The following MYLK variants were observed in gnomAD, a reference collection of about 807,000 sequenced individuals.
The protein encoded by MYLK is myosin light chain kinase, smooth muscle.
In MYLK, 106 loss-of-function variants were observed where a neutral mutation model predicts 203.4. That is an observed-to-expected ratio of 0.52 (90% CI 0.45 to 0.61). MYLK has a LOEUF of 0.61. Among genes scored for constraint, MYLK ranks in the 20% least tolerant of loss-of-function variants. MYLK has a pLI of 0.00. For synonymous variants in MYLK, 867 were observed against 959.5 expected (o/e 0.90, Z 1.78); for missense variants, 2,072 against 2,442.3 (o/e 0.85, Z 3.20).
At chr3:123,842,043 G>A (rs897652596) in intron 2 of MYLK, among the ~76,000 whole-genome samples, 1 of 151,532 alleles carries the variant, frequency 6.6e-6, no homozygotes, top group African/African-American at 2.4e-5. Context: ...AAATATAAAT[G>A]GACCAAATTC....
rs749367561 is a variant in MYLK at position 123,640,468 on chromosome 3, G to A, written c.4656C>T (p.Asp1552=). 1.1e-5 allele frequency: 17 copies of A among 1,613,882 alleles called. No homozygotes were observed. Among genetic ancestry groups the A allele is most frequent in the East Asian group, 2.2e-5 (1 of 44,872 alleles). ...SGGELFERII[D]EDFELTEREC... is the part of the protein sequence containing the mutation. Reference sequence around the variant, plus strand: ...CACGCTCCGTCAGCTCAAAGTCCTCGTCAATGATGCGCTCAAACAGCTCCC... The same window carrying A: ...CACGCTCCGTCAGCTCAAAGTCCTCATCAATGATGCGCTCAAACAGCTCCC... Residue 1552 remains aspartate, a synonymous_variant, in exon 28 of 34, where the codon GAC becomes GAT. Coordinates refer to ENST00000360304, the MANE Select transcript of MYLK (RefSeq NM_053025.4). The surrounding 1 kb of genome is among the most constrained non-coding windows in gnomAD (Gnocchi z 4.3).
chr3:123,635,145 G>A (rs985303113), intron 29 of MYLK, among the ~76,000 whole-genome samples: 4 of 152,172 alleles, frequency 2.6e-5, no homozygotes, highest in African/African-American at 9.7e-5. Context: ...GAACAGGAGG[G>A]GCTCTGTGGT....
chr3:123,733,716 T>C lies in MYLK; in HGVS notation c.1280A>G (p.Glu427Gly). Residue 427 changes from glutamate (E) to glycine (G), a missense_variant, in exon 10 of 34, where the codon GAA (glutamate) becomes GGA (glycine). Transcript: ENST00000360304. ...ACATCTGAACTTGACAGTTTGATTTTCCTTGACCTCCTGGCTTTGGGGCTT... is the reference window on the plus strand; with the variant it reads ...ACATCTGAACTTGACAGTTTGATTTCCCTTGACCTCCTGGCTTTGGGGCTT... ...ESKPQSQEVK[E>G]NQTVKFRCEV... is the part of the protein sequence containing the mutation. 6.2e-7 allele frequency: 1 copy of C among 1,614,204 alleles called. No individual in the cohort carries two copies.
chr3:123,854,422 A>G (rs1341488950), intron 2 of MYLK, among the ~76,000 whole-genome samples: 1 of 152,124 alleles, frequency 6.6e-6, no homozygotes, highest in Non-Finnish European at 1.5e-5. Flanking sequence ...CTTCATTTTA[A>G]TCATGTTTTT....
chr3:123,873,273 G>A (rs2032928540), intron 2 of MYLK, among the ~76,000 whole-genome samples: 1 of 151,858 alleles, frequency 6.6e-6, no homozygotes, highest in South Asian at 2.1e-4. Flanking sequence ...GAAAATCTAA[G>A]CAAATTAAAA....
chr3:123,670,692 T>C (rs2059887425), intron 20 of MYLK, among the ~76,000 whole-genome samples: 1 of 151,918 alleles, frequency 6.6e-6, no homozygotes, highest in South Asian at 2.1e-4. Context: ...ACAGTAGCTA[T>C]GATTTTGCCA....
chr3:123,739,046 G>A lies in MYLK; in HGVS notation c.439C>T (p.Pro147Ser), dbSNP rs9840993. The change falls in exon 7 of 34, where the codon CCA (proline) becomes TCA (serine). Residue 147 changes from proline (P) to serine (S), a missense_variant. Pro to Ser is a moderately conservative substitution (Grantham distance 74). Transcript: ENST00000360304. ...ATGCTAGGACGGGTCTCCACTGCTGGAGCTGAAAATCTATCCCTGTAAGGA... is the reference window on the plus strand; with the variant it reads ...ATGCTAGGACGGGTCTCCACTGCTGAAGCTGAAAATCTATCCCTGTAAGGA... ...SKTLGDRFSAPAVETRPSIWG... is the reference protein window; with the variant it reads ...SKTLGDRFSASAVETRPSIWG... 0.97 allele frequency: 1,563,054 copies of A among 1,613,666 alleles called. 762,095 individuals carry two copies. Among genetic ancestry groups the A allele is most frequent in the Non-Finnish European group, 1 (1,175,291 of 1,179,948 alleles).
intron 3 of MYLK, among the ~76,000 whole-genome samples, chr3:123,807,276 A>G (rs1472238333): frequency 2.0e-5 from 3 of 152,110 alleles, no homozygotes; most frequent in Non-Finnish European, 4.4e-5. Context: ...CAAAAATACA[A>G]AAGTCAGCTG....
chr3:123,764,818 G>C (rs2108949671), intron 4 of MYLK, among the ~76,000 whole-genome samples: 1 of 152,240 alleles, frequency 6.6e-6, no homozygotes, highest in Non-Finnish European at 1.5e-5. Flanking sequence ...CCCAGGCTCT[G>C]GAAGTATGTC....
intron 33 of MYLK, chr3:123,618,220 T>C (rs1486375371): frequency 8.2e-6 from 2 of 244,036 alleles, no homozygotes; most frequent in African/African-American, 2.3e-5. Flanking sequence ...TGTGGACGAG[T>C]AGCAGAGCCT....
At chr3:123,626,508 C>G (rs1174952144) in intron 31 of MYLK, among the ~76,000 whole-genome samples, 1 of 152,126 alleles carries the variant, frequency 6.6e-6, no homozygotes, top group Non-Finnish European at 1.5e-5. Flanking sequence ...TTGCTCATCC[C>G]AAGCCATGAA....
intron 29 of MYLK, among the ~76,000 whole-genome samples, chr3:123,633,829 C>CTGTGTG (rs144834366): frequency 2.6e-5 from 4 of 151,720 alleles, no homozygotes; most frequent in East Asian, 1.9e-4. Context: ...ACTACACTTT[C>CTGTGTG]TGTGTGTGTG....
intron 2 of MYLK, among the ~76,000 whole-genome samples, chr3:123,849,190 G>A (rs2030434152): frequency 6.6e-6 from 1 of 151,780 alleles, no homozygotes; most frequent in Non-Finnish European, 1.5e-5. Flanking sequence ...TGCTCAGGCT[G>A]GTCTCAAATT....
Position 123,722,213 on chromosome 3 carries a change from G to A in MYLK, c.1719C>T (p.Ala573=). ...AGVAELHIQD[A]LPEDHGTYTC... ...TGTAGGTGCCATGGTCCTCCGGCAG[G>A]GCATCCTGGATGTGGAGCTCAGCCA... is the stretch of plus-strand genomic sequence containing the variant. Residue 573 remains alanine, a synonymous_variant, in exon 13 of 34, where the codon GCC becomes GCT. Coordinates refer to ENST00000360304, the MANE Select transcript of MYLK (RefSeq NM_053025.4). 2 of 1,562,862 alleles carry A rather than the reference G, an allele frequency of 1.3e-6. No individual in the cohort carries two copies. The highest frequency in any genetic ancestry group is 2.4e-5 in the East Asian group (1 of 41,882).
chr3:123,709,104 ATCT>A (rs375007204), intron 14 of MYLK: 233 of 435,632 alleles, frequency 5.3e-4, no homozygotes, highest in African/African-American at 4.7e-3. Context: ...AACTGAGAAC[ATCT>A]TCTGAGATTT....
chr3:123,727,817 G>C (rs534478653), intron 11 of MYLK, among the ~76,000 whole-genome samples: 1 of 152,304 alleles, frequency 6.6e-6, no homozygotes, highest in East Asian at 1.9e-4. Flanking sequence ...GAAGTGGTGA[G>C]AGAGTAAATC....
chr3:123,692,838 G>A lies in MYLK; in HGVS notation c.3462C>T (p.Ser1154=), dbSNP rs768346816. 1.1e-5 allele frequency: 18 copies of A among 1,613,712 alleles called. No individual in the cohort carries two copies. In the East Asian group the frequency reaches 1.3e-4, roughly 12 times the overall value. Residue 1154 remains serine, a synonymous_variant, in exon 19 of 34, where the codon TCC becomes TCT. Coordinates refer to ENST00000360304, the MANE Select transcript of MYLK (RefSeq NM_053025.4). ...CAGGCAGTGCCTTCTCGATGGAGAC[G>A]GAGCAGAGTGAGCCTGGGGAGGAAG... The part of the protein sequence containing the change: ...IILSQEGSLC[S]VSIEKALPED...
At chr3:123,692,304 A>G (rs2060707969) in intron 19 of MYLK, 2 of 1,139,350 alleles carry the variant, frequency 1.8e-6, no homozygotes, top group South Asian at 2.0e-5. Flanking sequence ...AGTCTCCCAC[A>G]CGGACCTCGC....
intron 4 of MYLK, among the ~76,000 whole-genome samples, chr3:123,762,461 G>C (rs2108935433): frequency 6.6e-6 from 1 of 152,122 alleles, no homozygotes; most frequent in Admixed American, 6.5e-5. Flanking sequence ...AATTTCCTGG[G>C]CTCAAGCAAT....
Sources: gnomAD v4.1 joint callset for allele counts (sites outside exome capture counted in the v4.1 genomes callset) on GRCh38, gnomAD v4.1.1 for gene constraint, Gnocchi (gnomAD v3.1) non-coding constraint, MANE v1.5 for transcripts, NCBI Gene and HGNC (gene_info 2026-07-23, HGNC 2026-07-21) for gene names.